Variants in ASAP1 observed in about 807,000 individuals in gnomAD.
ASAP1 encodes the protein ArfGAP with SH3 domain, ankyrin repeat and PH domain 1.
A neutral mutation model predicts 145.2 loss-of-function variants in ASAP1; 43 were observed. The ratio of observed to expected loss-of-function variants is 0.30; its 90% CI spans 0.23 to 0.38. ASAP1 has a LOEUF of 0.38. ASAP1 is among the 10% of genes least tolerant of loss of function. The pLI, the probability that ASAP1 is intolerant of heterozygous loss-of-function variation, is 1.00. For missense variants in ASAP1, 1,018 were observed against 1,355.3 expected (o/e 0.75, Z 3.91); for synonymous variants, 546 against 515.5 (o/e 1.06, Z -0.80).
intron 24 of ASAP1, among the ~76,000 whole-genome samples, chr8:130,099,087 T>G (rs1297660174): frequency 6.8e-6 from 1 of 147,278 alleles, no homozygotes; most frequent in Non-Finnish European, 1.5e-5. Flanking sequence ...CACAGTTCAC[T>G]GCAGCCTCAA....
intron 3 of ASAP1, among the ~76,000 whole-genome samples, chr8:130,318,498 C>G (rs545730492): frequency 6.6e-6 from 1 of 152,310 alleles, no homozygotes; most frequent in South Asian, 2.1e-4. Flanking sequence ...GACATTTTCA[C>G]GAACATCTCC....
intron 16 of ASAP1, among the ~76,000 whole-genome samples, chr8:130,127,026 C>T (rs901801063): frequency 1.3e-5 from 2 of 152,126 alleles, no homozygotes; most frequent in African/African-American, 4.8e-5. Context: ...AAGCAAAACA[C>T]CTAGCATGAT....
At chr8:130,082,801 T>C (rs1387759884) in intron 25 of ASAP1, 1 of 142,458 alleles carries the variant, frequency 7.0e-6, no homozygotes, top group Non-Finnish European at 1.5e-5. Context: ...CAAGTGATCC[T>C]CCTGTCTTGG....
At chr8:130,113,141 T>C (rs1312859547) in intron 23 of ASAP1, among the ~76,000 whole-genome samples, 1 of 152,190 alleles carries the variant, frequency 6.6e-6, no homozygotes, top group African/African-American at 2.4e-5. Flanking sequence ...TGTGGGCTTC[T>C]GACTGCTTGC....
At chr8:130,441,895 C>T (rs1053259860) in intron 1 of ASAP1, among the ~76,000 whole-genome samples, 1 of 152,152 alleles carries the variant, frequency 6.6e-6, no homozygotes, top group African/African-American at 2.4e-5. Context: ...GGCTGAAAAT[C>T]AAGTCTAGAG....
intron 3 of ASAP1, among the ~76,000 whole-genome samples, chr8:130,270,897 C>G (rs954274914): frequency 3.4e-5 from 5 of 146,908 alleles, no homozygotes; most frequent in Admixed American, 2.1e-4. Context: ...AGAAATCTTT[C>G]CTGTAAGTAT....
chr8:130,242,757 C>T (rs1818615664), intron 3 of ASAP1, among the ~76,000 whole-genome samples: 1 of 152,090 alleles, frequency 6.6e-6, no homozygotes, highest in African/African-American at 2.4e-5. Flanking sequence ...CCAATGTGAT[C>T]ATGAGTAGAG....
At chr8:130,217,277 AATAG>A (rs1202987135) in intron 4 of ASAP1, among the ~76,000 whole-genome samples, 3 of 152,192 alleles carry the variant, frequency 2.0e-5, no homozygotes, top group Non-Finnish European at 4.4e-5. Context: ...TAAATGAATA[AATAG>A]ATATTTATCA....
chr8:130,285,069 T>C (rs1482419342), intron 3 of ASAP1, among the ~76,000 whole-genome samples: 6 of 152,156 alleles, frequency 3.9e-5, no homozygotes, highest in Non-Finnish European at 5.9e-5. Context: ...AGTGGTTCCT[T>C]ATAATTTGAG....
At chr8:130,081,031 T>C (rs780668564) in intron 25 of ASAP1, among the ~76,000 whole-genome samples, 16 of 152,250 alleles carry the variant, frequency 1.1e-4, no homozygotes, top group Non-Finnish European at 1.6e-4. Flanking sequence ...ACAGAGCTTA[T>C]GCTCTGGCCT....
At chr8:130,091,321 C>T (rs758834089) in intron 25 of ASAP1, among the ~76,000 whole-genome samples, 7 of 151,974 alleles carry the variant, frequency 4.6e-5, no homozygotes, top group South Asian at 2.1e-4. Flanking sequence ...CGTTGGAGGG[C>T]GGGGGAGATA....
chr8:130,180,121 G>T (rs1454713364), intron 8 of ASAP1, among the ~76,000 whole-genome samples: 1 of 151,392 alleles, frequency 6.6e-6, no homozygotes, highest in Non-Finnish European at 1.5e-5. Context: ...GAGAAAGCGA[G>T]GAAGAAGGAA....
chr8:130,163,963 A>C (rs930670745), intron 11 of ASAP1, among the ~76,000 whole-genome samples: 3 of 152,234 alleles, frequency 2.0e-5, no homozygotes, highest in Non-Finnish European at 2.9e-5. Flanking sequence ...GCAATTATAC[A>C]TTCATTGATT....
At chr8:130,300,545 T>C (rs1172019434) in intron 3 of ASAP1, among the ~76,000 whole-genome samples, 1 of 152,186 alleles carries the variant, frequency 6.6e-6, no homozygotes, top group Non-Finnish European at 1.5e-5. Context: ...GATTTAATTG[T>C]CTAGGATGTG....
chr8:130,098,351 C>T (rs541908667), intron 24 of ASAP1, among the ~76,000 whole-genome samples: 21 of 152,194 alleles, frequency 1.4e-4, no homozygotes, highest in African/African-American at 3.4e-4. Flanking sequence ...CATCTTTAAA[C>T]ACTTTTTTGA....
At chr8:130,396,857 T>A (rs80215014) in intron 2 of ASAP1, among the ~76,000 whole-genome samples, 3,900 of 152,328 alleles carry the variant, frequency 0.026, 50 homozygotes, top group Middle Eastern at 0.044. Flanking sequence ...AGGTTTCTCA[T>A]GGGCTTGGTT....
At chr8:130,386,939 A>G (rs148740127) in intron 2 of ASAP1, 1 of 152,346 alleles carries the variant, frequency 6.6e-6, no homozygotes, top group East Asian at 1.9e-4. Context: ...GTAGCTGTTT[A>G]TAAGCACCAA....
In ASAP1 at chr8:130,433,629, C is replaced by T. The variant is rs888796230; in HGVS notation, c.-28+9831G>A. Among the ~76,000 whole-genome samples, 16 of 152,198 alleles carry T rather than the reference C, an allele frequency of 1.1e-4. No homozygotes were observed. The South Asian group carries it at 3.3e-3, about 32-fold the overall frequency. On this transcript the variant is annotated intron_variant, in intron 1 of 29. Coordinates refer to ENST00000518721, the MANE Select transcript of ASAP1 (RefSeq NM_018482.4). ...CATATCCTAAGTGCTTGGCATATAGCAGGATATGCAGGGAAATCTGTGCAA... is the reference window on the plus strand; with the variant it reads ...CATATCCTAAGTGCTTGGCATATAGTAGGATATGCAGGGAAATCTGTGCAA...
At chr8:130,160,711 G>C in intron 11 of ASAP1, 1 of 999,410 alleles carries the variant, frequency 1.0e-6, no homozygotes, top group African/African-American at 1.7e-5. Context: ...CAACAACGTT[G>C]AACTGCAGAA....
Sources: allele counts gnomAD v4.1 joint callset (sites outside exome capture counted in the v4.1 genomes callset), GRCh38; gene constraint gnomAD v4.1.1; transcripts MANE v1.5; gene names NCBI Gene and HGNC (gene_info 2026-07-23, HGNC 2026-07-21).